HMCN2: variants seen among roughly 807,000 people sequenced by gnomAD.
HMCN2 encodes hemicentin-2.
A neutral mutation model predicts 377.5 loss-of-function variants in HMCN2; 325 were observed. That is an observed-to-expected ratio of 0.86 (90% confidence interval 0.79 to 0.94). The LOEUF (loss-of-function observed/expected upper bound fraction) is 0.94, where lower values mean the gene tolerates loss of function less well. Among genes scored for constraint, HMCN2 ranks in the 40% least tolerant of loss-of-function variants. The probability of loss-of-function intolerance (pLI) is 0.00; values close to 1 mark genes in which losing one functional copy is unlikely to be tolerated. For missense variants in HMCN2, 4,543 were observed against 4,725.3 expected (o/e 0.96, Z 1.13); for synonymous variants, 2,007 against 2,046.8 (o/e 0.98, Z 0.53).
At position 130,349,136 on chromosome 9, in the gene HMCN2, G is replaced by A. The variant is rs375012917; in HGVS notation, c.4303+5G>A. On this transcript the variant is annotated splice_donor_5th_base_variant and intron_variant, in intron 28 of 97. Transcript: ENST00000683500. ...ACTTCCATCTCCTTGTGCTCAGTGA[G>A]TGAGACCTGAGCCCTGTAACTCCCA... is the stretch of plus-strand genomic sequence containing the variant. 1 of 1,303,590 alleles carries A rather than the reference G, an allele frequency of 7.7e-7. No homozygotes were observed. Among genetic ancestry groups the A allele is most frequent in the Non-Finnish European group, 1.0e-6 (1 of 988,618 alleles). 80.8% of individuals were successfully genotyped at this position (1,303,590 alleles called of 1,614,324 possible).
chr9:130,415,254 A>G (rs1405180019), intron 85 of HMCN2, among the ~76,000 whole-genome samples: 5 of 152,232 alleles, frequency 3.3e-5, no homozygotes, highest in African/African-American at 1.2e-4. Context: ...CATACCAGGA[A>G]CAAGGAAAAA....
intron 85 of HMCN2, 114 bp from the exon 86 acceptor site, chr9:130,418,658 C>A: frequency 1.1e-6 from 1 of 914,828 alleles, no homozygotes; most frequent in Non-Finnish European, 1.5e-6. Context: ...CTATGCAGTT[C>A]TTATTTTCTT....
Position 130,303,099 on chromosome 9 carries a change from C to T in HMCN2, c.1421+98C>T. 1 of 349,342 alleles carries T rather than the reference C, an allele frequency of 2.9e-6. No homozygotes were observed. The highest frequency in any genetic ancestry group is 6.0e-6 in the Non-Finnish European group (1 of 166,976). 21.6% of individuals were successfully genotyped at this position (349,342 alleles called of 1,614,324 possible). Reference sequence around the variant, plus strand: ...GGGGAGTGGGTGGCAGGAGAGAGACCTTGGTCTCTGTCATTATCCTCCTGG... The same window carrying T: ...GGGGAGTGGGTGGCAGGAGAGAGACTTTGGTCTCTGTCATTATCCTCCTGG... On this transcript the variant is annotated intron_variant, in intron 9 of 97. Coordinates refer to ENST00000683500, the MANE Select transcript of HMCN2 (RefSeq NM_001291815.2). The surrounding 1 kb of genome is among the most constrained non-coding windows in gnomAD (Gnocchi z 5.2).
chr9:130,379,247 A>C lies in HMCN2; in HGVS notation c.8213-2A>C, dbSNP rs1024676594. 2 of 984,016 alleles carry C rather than the reference A, an allele frequency of 2.0e-6. No homozygotes were observed. Among genetic ancestry groups the C allele is most frequent in the African/African-American group, 3.5e-5 (2 of 57,030 alleles). The allele number at this position is 984,016 out of a possible 1,614,324, so 61.0% of individuals were successfully genotyped here. On this transcript the variant is annotated splice_acceptor_variant, in intron 53 of 97. Transcript: ENST00000683500. LOFTEE classifies it high-confidence loss of function. ...CCTAAGGGCTTTGTCTCCCCCACCC[A>C]GTGCCCCCCATGTTCCAGAAGGTGG...
chr9:130,348,725 G>A lies in HMCN2; in HGVS notation c.4155+50G>A, dbSNP rs923656184. The A allele has an allele frequency of 2.9e-5, 38 of 1,295,176 alleles. No homozygotes were observed. In the African/African-American group the frequency reaches 3.9e-4, roughly 13 times the overall value. The allele number at this position is 1,295,176 out of a possible 1,614,324, so 80.2% of individuals were successfully genotyped here. On this transcript the variant is annotated intron_variant, in intron 27 of 97. Transcript: ENST00000683500. ...GGGTATGGGTGGGATTTAGGCTGGG[G>A]ACAGGTCTTCTGGATGGGCATTTCT...
chr9:130,355,607 C>T (rs758565557), intron 32 of HMCN2, 139 bp from the exon 33 acceptor site: 1 of 459,688 alleles, frequency 2.2e-6, no homozygotes, highest in Non-Finnish European at 4.2e-6. Context: ...TGGAAGGCCT[C>T]CTGGAGGAAG....
At position 130,382,791 on chromosome 9, in the gene HMCN2, C is replaced by T; in HGVS notation, c.8658C>T (p.Ile2886=). ...CPALGNPVPT[I]SWLQNGLPFS... ...CCCTGGGAAACCCCGTGCCCACCAT[C>T]TCATGGCTCCAGAATGGGCTGCCTT... The change falls in exon 56 of 98, where the codon ATC becomes ATT. Residue 2886 remains isoleucine (I), a synonymous_variant. Transcript: ENST00000683500. 1.3e-5 allele frequency: 13 copies of T among 985,946 alleles called. No individual in the cohort carries two copies. The highest frequency in any genetic ancestry group is 1.4e-5 in the Non-Finnish European group (12 of 829,980). 61.1% of individuals were successfully genotyped at this position (985,946 alleles called of 1,614,324 possible).
At position 130,392,071 on chromosome 9, in the gene HMCN2, C is replaced by G. The variant is rs1349602025; in HGVS notation, c.10089C>G (p.Leu3363=). The change falls in exon 66 of 98, where the codon CTC becomes CTG. Residue 3363 remains leucine (L), a synonymous_variant. Transcript: ENST00000683500. ...HVSWLKDGLP[L]PLSQRTLLHG... is the part of the protein sequence containing the mutation. ...GCTGGCTCAAGGACGGCCTGCCCCTCCCGCTCTCCCAGCGCACCCTCCTCC... is the reference window on the plus strand; with the variant it reads ...GCTGGCTCAAGGACGGCCTGCCCCTGCCGCTCTCCCAGCGCACCCTCCTCC... 1 of 988,460 alleles carries G rather than the reference C, an allele frequency of 1.0e-6. No homozygotes were observed. The highest frequency in any genetic ancestry group is 1.2e-6 in the Non-Finnish European group (1 of 830,574). 61.2% of individuals were successfully genotyped at this position (988,460 alleles called of 1,614,324 possible). A position where few individuals can be genotyped will look rare whatever the true frequency, so the allele number is the denominator to read the frequency against.
At chr9:130,281,375 C>T (rs1219184968) in intron 1 of HMCN2, among the ~76,000 whole-genome samples, 1 of 152,030 alleles carries the variant, frequency 6.6e-6, no homozygotes, top group Non-Finnish European at 1.5e-5. Context: ...GCAAGTGTAT[C>T]ACATGAGTCC....
chr9:130,369,822 C>T lies in HMCN2; in HGVS notation c.7040C>T (p.Ala2347Val). The stretch of plus-strand genomic sequence containing the variant: ...GTGGCCGAGAACCTGGCTGGGAGGG[C>T]AGAGAGGAAGTTTGAGCTCTCCGTA... Reference protein sequence around the residue: ...SCVAENLAGRAERKFELSVLV... With the variant: ...SCVAENLAGRVERKFELSVLV... The change falls in exon 45 of 98, where the codon GCA becomes GTA. Residue 2347 changes from alanine to valine, a missense_variant. This residue lies in a region of HMCN2 where 1,032 missense variants were observed against 1,285.1 expected (regional missense o/e 0.80). Transcript: ENST00000683500. This position sits in a 1 kb window ranked among gnomAD's most constrained non-coding sequence, Gnocchi z 4.5. 2 of 986,122 alleles carry T rather than the reference C, an allele frequency of 2.0e-6. No homozygotes were observed. Among genetic ancestry groups the T allele is most frequent in the Non-Finnish European group, 2.4e-6 (2 of 830,284 alleles). 61.1% of individuals were successfully genotyped at this position (986,122 alleles called of 1,614,324 possible). A position where few individuals can be genotyped will look rare whatever the true frequency, so the allele number is the denominator to read the frequency against.
intron 1 of HMCN2, among the ~76,000 whole-genome samples, chr9:130,281,723 G>A (rs1327839473): frequency 3.3e-5 from 5 of 151,878 alleles, no homozygotes; most frequent in Admixed American, 6.6e-5. Context: ...GCAAAACCCC[G>A]TCTCTACTAA....
intron 15 of HMCN2, among the ~76,000 whole-genome samples, chr9:130,312,139 C>T (rs1367680386): frequency 6.6e-6 from 1 of 152,174 alleles, no homozygotes; most frequent in Non-Finnish European, 1.5e-5. Context: ...CCCAAGATCA[C>T]ACAGCTGGCG....
At chr9:130,425,664 C>T (rs1194322672) in intron 89 of HMCN2, 23 bp from the exon 90 acceptor site, 2 of 1,473,336 alleles carry the variant, frequency 1.4e-6, no homozygotes, top group Admixed American at 3.9e-5. Flanking sequence ...CCTCCTCCTC[C>T]TCCCCTCCTC....
chr9:130,401,317 A>G (rs966537151), intron 77 of HMCN2, among the ~76,000 whole-genome samples: 1 of 152,168 alleles, frequency 6.6e-6, no homozygotes, highest in Admixed American at 6.5e-5. Flanking sequence ...TGATATTAAG[A>G]TAATAGTACA....
chr9:130,377,943 A>C, intron 53 of HMCN2, 144 bp downstream of exon 53: 1 of 570,210 alleles, frequency 1.8e-6, no homozygotes. Flanking sequence ...AGCAGCCCAG[A>C]ACGGCACCCT....
chr9:130,352,865 T>G, intron 30 of HMCN2, 62 bp from the exon 31 acceptor site: 1 of 1,199,340 alleles, frequency 8.3e-7, no homozygotes, highest in Non-Finnish European at 1.1e-6. Context: ...TCTGCTGCCC[T>G]GGGGAAGATG....
At chr9:130,326,754 G>A (rs1488516116) in intron 21 of HMCN2, among the ~76,000 whole-genome samples, 3 of 152,138 alleles carry the variant, frequency 2.0e-5, no homozygotes, top group Non-Finnish European at 2.9e-5. Flanking sequence ...GTAGAAAGGC[G>A]GAGGCGGGGA....
rs1021820173 is a variant in HMCN2, at chr9:130,379,349, C to G, written c.8313C>G (p.Ile2771Met). 1.0e-6 allele frequency: 1 copy of G among 985,706 alleles called. No homozygotes were observed. The highest frequency in any genetic ancestry group is 1.7e-5 in the African/African-American group (1 of 57,296). The allele number at this position is 985,706 out of a possible 1,614,324, so 61.1% of individuals were successfully genotyped here. Residue 2771 changes from isoleucine (I) to methionine (M), a missense_variant, in exon 54 of 98, where the codon ATC (isoleucine) becomes ATG (methionine). By Grantham distance (10) the Ile-to-Met change is conservative. This residue lies in a region of HMCN2 where 736 missense variants were observed against 773.2 expected (regional missense o/e 0.95). Coordinates refer to ENST00000683500, the MANE Select transcript of HMCN2 (RefSeq NM_001291815.2). ...ARGGVTEYRE[I>M]VENNPAYLYC... ...GCGGAGTCACGGAATACAGGGAGATCGTGGAGAACAACCCAGCCTACCTGT... is the reference window on the plus strand; with the variant it reads ...GCGGAGTCACGGAATACAGGGAGATGGTGGAGAACAACCCAGCCTACCTGT...
In HMCN2 at chr9:130,349,052, G is replaced by A; in HGVS notation, c.4224G>A (p.Glu1408=). Reference sequence around the variant, plus strand: ...CCCTCCACTTCCCCAGGATCCAGGAGGGTGATTCTGGGCTCTACTCCTGCC... The same window carrying A: ...CCCTCCACTTCCCCAGGATCCAGGAAGGTGATTCTGGGCTCTACTCCTGCC... ...GQSLHFPRIQ[E]GDSGLYSCRA... Residue 1408 remains glutamate, a synonymous_variant, in exon 28 of 98, where the codon GAG becomes GAA. Coordinates refer to ENST00000683500, the MANE Select transcript of HMCN2 (RefSeq NM_001291815.2). 1.5e-6 allele frequency: 2 copies of A among 1,304,254 alleles called. No individual in the cohort carries two copies. Among genetic ancestry groups the A allele is most frequent in the Non-Finnish European group, 2.0e-6 (2 of 988,928 alleles). 80.8% of individuals were successfully genotyped at this position (1,304,254 alleles called of 1,614,324 possible).
Sources: gnomAD v4.1 joint callset for allele counts (sites outside exome capture counted in the v4.1 genomes callset) on GRCh38, gnomAD v4.1.1 for gene constraint, gnomAD v4.1.1 regional missense constraint, Gnocchi (gnomAD v3.1) non-coding constraint, MANE v1.5 for transcripts, NCBI Gene and HGNC (gene_info 2026-07-23, HGNC 2026-07-21) for gene names.